Variants in SMG1 observed in about 807,000 individuals in gnomAD.
SMG1 encodes the protein serine/threonine-protein kinase SMG1.
In SMG1, 22 loss-of-function variants were observed where a neutral mutation model predicts 419.9. That is an observed-to-expected ratio of 0.05 (90% CI 0.04 to 0.07). The LOEUF is 0.07. Ranked by LOEUF, SMG1 falls within the 10% of genes least tolerant of loss-of-function variation. The pLI is 1.00. For missense variants in SMG1, 3,185 were observed against 4,342.0 expected (o/e 0.73, Z 7.49); for synonymous variants, 1,538 against 1,553.5 (o/e 0.99, Z 0.23).
rs949858147 is a variant in SMG1 at position 18,804,890 on chromosome 16, AAAC to A, written c.*4676_*4678del. 1.3e-5 allele frequency: 2 copies of A among 152,686 alleles called. No homozygotes were observed. Among genetic ancestry groups the A allele is most frequent in the African/African-American group, 2.4e-5 (1 of 41,470 alleles). 9.5% of individuals were successfully genotyped at this position (152,686 alleles called of 1,614,324 possible). On this transcript the variant is annotated 3_prime_UTR_variant, in exon 63 of 63. Transcript: ENST00000446231. ...TGAGACTGAACCTTTATTTTCTGAA[AAAC>A]AGGTATTTCATACAATCTTTGCCAT...
chr16:18,855,644 T>C (rs1466810862), intron 29 of SMG1, among the ~76,000 whole-genome samples: 1 of 152,184 alleles, frequency 6.6e-6, no homozygotes, highest in East Asian at 1.9e-4. Flanking sequence ...CCTGTGAAAG[T>C]ACTTGGCCAC....
intron 28 of SMG1, 170 bp downstream of exon 28, chr16:18,858,852 C>T (rs534701840): frequency 1.5e-4 from 86 of 558,510 alleles, no homozygotes; most frequent in Non-Finnish European, 2.5e-4. Context: ...TTCCATCTGC[C>T]CCATGTACTT....
rs2033475110 is a variant in SMG1, at chr16:18,835,154, G to C, written c.8068C>G (p.Gln2690Glu). The C allele has an allele frequency of 1.9e-6, 3 of 1,606,392 alleles. No individual in the cohort carries two copies. Among genetic ancestry groups the C allele is most frequent in the Non-Finnish European group, 2.6e-6 (3 of 1,173,602 alleles). Reference sequence around the variant, plus strand: ...GTTGGGGGTGGCTGGGGAGCATATTGCATTTCATATCTATAAAAATAAGGA... The same window carrying C: ...GTTGGGGGTGGCTGGGGAGCATATTCCATTTCATATCTATAAAAATAAGGA... ...CQELYRKYEM[Q>E]YAPQPPPTVC... The change falls in exon 49 of 63, where the codon CAA becomes GAA. Residue 2690 changes from glutamine to glutamate, a missense_variant. Physicochemically the swap from Gln to Glu is conservative, Grantham distance 29 (BLOSUM62 2). Around this residue, in one of 27 missense-constraint regions of SMG1, gnomAD observed 412 missense variants for 546.6 expected, o/e 0.75. Coordinates refer to ENST00000446231, the MANE Select transcript of SMG1 (RefSeq NM_015092.5).
intron 60 of SMG1, among the ~76,000 whole-genome samples, chr16:18,812,570 A>G (rs1442034069): frequency 1.3e-5 from 2 of 149,466 alleles, no homozygotes; most frequent in African/African-American, 2.5e-5. Flanking sequence ...ATACATATAT[A>G]TACACACACA....
At position 18,833,046 on chromosome 16, in the gene SMG1, C is replaced by T. The variant is rs1355747381; in HGVS notation, c.8686G>A (p.Asp2896Asn). The T allele has an allele frequency of 3.1e-6, 5 of 1,613,956 alleles. No individual in the cohort carries two copies. The highest frequency in any genetic ancestry group is 2.2e-5 in the South Asian group (2 of 91,080). Residue 2896 changes from aspartate to asparagine, a missense_variant, in exon 51 of 63, where the codon GAT becomes AAT. This residue lies in a region of SMG1 where 737 missense variants were observed against 846.6 expected (regional missense o/e 0.87). Coordinates refer to ENST00000446231, the MANE Select transcript of SMG1 (RefSeq NM_015092.5). ...ELDGLIEQTTDGVPLQTLVES... is the reference protein window; with the variant it reads ...ELDGLIEQTTNGVPLQTLVES... ...ACTAGAGTCTGCAGGGGAACGCCATCGGTGGTCTGCTCAATAAGACCGTCC... is the reference window on the plus strand; with the variant it reads ...ACTAGAGTCTGCAGGGGAACGCCATTGGTGGTCTGCTCAATAAGACCGTCC...
At position 18,872,420 on chromosome 16, in the gene SMG1, A is replaced by G. The variant is rs1176606214; in HGVS notation, c.2021+74T>C. The stretch of plus-strand genomic sequence containing the variant: ...AGCAAGTCCAAAGTTAAATCAACAT[A>G]CATCTTTAAAATCTATCCATTAAAA... On this transcript the variant is annotated intron_variant, in intron 14 of 62. Coordinates refer to ENST00000446231, the MANE Select transcript of SMG1 (RefSeq NM_015092.5). The G allele has an allele frequency of 1.2e-5, 17 of 1,476,764 alleles. No homozygotes were observed. The East Asian group carries it at 4.1e-4, about 36-fold the overall frequency. 91.5% of individuals were successfully genotyped at this position (1,476,764 alleles called of 1,614,324 possible).
At chr16:18,812,849 G>A (rs1386729944) in intron 60 of SMG1, among the ~76,000 whole-genome samples, 1 of 152,044 alleles carries the variant, frequency 6.6e-6, no homozygotes, top group African/African-American at 2.4e-5. Flanking sequence ...GCCCCGGTGT[G>A]AGATGTTCCC....
At chr16:18,876,601 G>A (rs1449657985) in intron 12 of SMG1, among the ~76,000 whole-genome samples, 1 of 150,692 alleles carries the variant, frequency 6.6e-6, no homozygotes, top group African/African-American at 2.4e-5. Context: ...AGTCTATAAA[G>A]TTTTATCACA....
At chr16:18,884,564 C>G (rs916916647) in intron 8 of SMG1, among the ~76,000 whole-genome samples, 2 of 152,166 alleles carry the variant, frequency 1.3e-5, no homozygotes, top group Non-Finnish European at 2.9e-5. Context: ...CCACTATCAC[C>G]TGAATATCCT....
In SMG1 at chr16:18,849,283, G is replaced by A. The variant is rs772066609; in HGVS notation, c.5557C>T (p.Pro1853Ser). ...NLLCRVAQDS[P>S]HLILYPAIVG... The stretch of plus-strand genomic sequence containing the variant: ...ATTGCAGGATACAATATGAGATGTG[G>A]GGAATCTTGAGCCACACGGCAGAGA... Residue 1853 changes from proline to serine, a missense_variant, in exon 36 of 63, where the codon CCA becomes TCA. Around this residue, in one of 27 missense-constraint regions of SMG1, gnomAD observed 130 missense variants for 162.0 expected, o/e 0.80. Transcript: ENST00000446231. 1 of 1,613,572 alleles carries A rather than the reference G, an allele frequency of 6.2e-7. No homozygotes were observed. Among genetic ancestry groups the A allele is most frequent in the Non-Finnish European group, 8.5e-7 (1 of 1,179,724 alleles).
intron 22 of SMG1, among the ~76,000 whole-genome samples, chr16:18,867,523 CAAAA>C (rs1555498311): frequency 8.4e-6 from 1 of 118,998 alleles, no homozygotes; most frequent in Non-Finnish European, 1.7e-5. Context: ...AACTGTGTCT[CAAAA>C]AATAAATAAA....
intron 1 of SMG1, among the ~76,000 whole-genome samples, chr16:18,921,000 T>C (rs1163123950): frequency 6.6e-6 from 1 of 152,026 alleles, no homozygotes; most frequent in Non-Finnish European, 1.5e-5. Context: ...TAGCCGGGCA[T>C]AGTGGCATGT....
At chr16:18,875,363 G>C (rs905985794) in intron 13 of SMG1, 13 of 152,612 alleles carry the variant, frequency 8.5e-5, no homozygotes, top group African/African-American at 3.1e-4. Context: ...GGCCAAGGCA[G>C]GTGGATCACC....
At chr16:18,837,497 C>G (rs747262432) in intron 45 of SMG1, 54 bp from the exon 46 acceptor site, 1 of 1,450,610 alleles carries the variant, frequency 6.9e-7, no homozygotes. Context: ...TTTTGAGACA[C>G]AACAGTGTCA....
chr16:18,841,792 G>A lies in SMG1; in HGVS notation c.6469C>T (p.Leu2157=), dbSNP rs752054533. Reference sequence around the variant, plus strand: ...CTCTCATCCAGATGTAAATCCTCCAGTCCTATGAAAACAAAATTAAAATAG... The same window carrying A: ...CTCTCATCCAGATGTAAATCCTCCAATCCTATGAAAACAAAATTAAAATAG... The part of the protein sequence containing the change: ...GKSYPYLFKG[L]EDLHLDERIM... The change falls in exon 41 of 63, where the codon CTG becomes TTG. Residue 2157 remains leucine (L), a splice_region_variant and synonymous_variant. Coordinates refer to ENST00000446231, the MANE Select transcript of SMG1 (RefSeq NM_015092.5). The A allele has an allele frequency of 2.5e-6, 4 of 1,612,786 alleles. No homozygotes were observed. Among genetic ancestry groups the A allele is most frequent in the Admixed American group, 1.7e-5 (1 of 60,018 alleles).
In SMG1 at chr16:18,845,456, A is replaced by C. The variant is rs745480920; in HGVS notation, c.6192T>G (p.Pro2064=). Residue 2064 remains proline, a synonymous_variant, in exon 39 of 63, where the codon CCT becomes CCG. Coordinates refer to ENST00000446231, the MANE Select transcript of SMG1 (RefSeq NM_015092.5). ...CTTTAAATGGAATCCAGCTGCTCCC[A>C]GGCTTTGCAGGGTTCAATGGAGTCT... is the stretch of plus-strand genomic sequence containing the variant. The part of the protein sequence containing the change: ...KLKTPLNPAK[P]GSSWIPFKEI... The C allele has an allele frequency of 1.2e-6, 2 of 1,613,846 alleles. No homozygotes were observed. Among genetic ancestry groups the C allele is most frequent in the East Asian group, 4.5e-5 (2 of 44,896 alleles).
intron 2 of SMG1, among the ~76,000 whole-genome samples, chr16:18,896,462 A>G (rs2037132565): frequency 6.6e-6 from 1 of 152,228 alleles, no homozygotes; most frequent in African/African-American, 2.4e-5. Flanking sequence ...CAAATTTTGT[A>G]CCTTGTTTTA....
Position 18,854,513 on chromosome 16 carries a change from CTTA to C in SMG1, c.4483+140_4483+142del, listed in dbSNP as rs549089575. On this transcript the variant is annotated intron_variant, in intron 30 of 62. Transcript: ENST00000446231. ...ATAAAGGTAAGTCAGTAATAAGCAA[CTTA>C]TTATTCAGGATGCAAATGTTCTGCA... 10 of 808,358 alleles carry C rather than the reference CTTA, an allele frequency of 1.2e-5. No individual in the cohort carries two copies. The South Asian group carries it at 1.8e-4, about 14-fold the overall frequency. 50.1% of individuals were successfully genotyped at this position (808,358 alleles called of 1,614,324 possible).
At chr16:18,828,757 G>C (rs1296620710) in intron 54 of SMG1, among the ~76,000 whole-genome samples, 2 of 152,182 alleles carry the variant, frequency 1.3e-5, no homozygotes, top group Non-Finnish European at 2.9e-5. Context: ...CCAGCACTTT[G>C]GGAGGCCAAG....
Sources: gnomAD v4.1 joint callset for allele counts (sites outside exome capture counted in the v4.1 genomes callset) on GRCh38, gnomAD v4.1.1 for gene constraint, gnomAD v4.1.1 regional missense constraint, MANE v1.5 for transcripts, NCBI Gene and HGNC (gene_info 2026-07-23, HGNC 2026-07-21) for gene names.